CAST: variants seen among roughly 807,000 people sequenced by gnomAD.
The protein encoded by CAST is MIR583 host.
A neutral mutation model predicts 119.6 loss-of-function variants in CAST; 76 were observed. That is an observed-to-expected ratio of 0.64 (90% CI 0.53 to 0.77). The LOEUF is 0.77. Ranked by LOEUF, CAST falls within the 30% of genes least tolerant of loss-of-function variation. The probability of loss-of-function intolerance (pLI) is 0.00; values close to 1 mark genes in which losing one functional copy is unlikely to be tolerated. For synonymous variants in CAST, 319 were observed against 331.6 expected (o/e 0.96, Z 0.41); for missense variants, 953 against 946.5 (o/e 1.01, Z -0.09).
chr5:96,609,233 TA>T (rs1362757310), intron 1 of CAST, among the ~76,000 whole-genome samples: 7 of 152,230 alleles, frequency 4.6e-5, no homozygotes, highest in Non-Finnish European at 1.0e-4. Context: ...CCCATTGCAA[TA>T]TCCTATTCTG....
chr5:96,559,286 G>C (rs1746308594), intron 1 of CAST, among the ~76,000 whole-genome samples: 1 of 152,144 alleles, frequency 6.6e-6, no homozygotes, highest in Non-Finnish European at 1.5e-5. Context: ...CATTCCCTTT[G>C]AAAACTGGCT....
chr5:96,556,884 A>C (rs1746251790), intron 1 of CAST, among the ~76,000 whole-genome samples: 1 of 152,182 alleles, frequency 6.6e-6, no homozygotes, highest in South Asian at 2.1e-4. Context: ...CCTCGAGAAG[A>C]GCAACTCCAA....
chr5:96,534,716 A>AAGGAAGGAAGGAAGGAAGGAAGGAGG (rs1230508746), intron 1 of CAST, among the ~76,000 whole-genome samples: 1 of 34,692 alleles, frequency 2.9e-5, no homozygotes, highest in Non-Finnish European at 5.4e-5. Flanking sequence ...GGAAGGAAGG[A>AAGGAAGGAAGGAAGGAAGGAAGGAGG]GAGAGAGAGA....
the CAST span, among the ~76,000 whole-genome samples, chr5:96,016,419 G>C: frequency 1.3e-5 from 2 of 152,160 alleles, no homozygotes; most frequent in Non-Finnish European, 2.9e-5. Flanking sequence ...ATCATACCCT[G>C]CCTTATCCTG....
the CAST span, among the ~76,000 whole-genome samples, chr5:96,497,816 G>C: frequency 6.6e-6 from 1 of 152,194 alleles, no homozygotes; most frequent in African/African-American, 2.4e-5. Flanking sequence ...CAGGTTGCCT[G>C]TTCACTCTGA....
chr5:96,333,672 T>C, the CAST span, among the ~76,000 whole-genome samples: 4 of 152,002 alleles, frequency 2.6e-5, no homozygotes, highest in Non-Finnish European at 4.4e-5. Context: ...TGGTGAGACC[T>C]GGAGTTGGGG....
At chr5:96,323,072 T>C in the CAST span, among the ~76,000 whole-genome samples, 262 of 152,264 alleles carry the variant, frequency 1.7e-3, 2 homozygotes, top group African/African-American at 6.0e-3. Context: ...CTGAGGAAAA[T>C]TGACTTTTGC....
the CAST span, among the ~76,000 whole-genome samples, chr5:96,164,722 T>C: frequency 6.6e-6 from 1 of 152,098 alleles, no homozygotes; most frequent in Non-Finnish European, 1.5e-5. Context: ...AGAGAAAAAG[T>C]GCAGAGAAAA....
chr5:96,274,002 A>G, the CAST span, among the ~76,000 whole-genome samples: 9 of 152,104 alleles, frequency 5.9e-5, no homozygotes, highest in Non-Finnish European at 1.2e-4. Flanking sequence ...AATTTTTATT[A>G]TTTGACATCT....
the CAST span, among the ~76,000 whole-genome samples, chr5:96,028,105 T>C: frequency 2.6e-5 from 4 of 152,100 alleles, no homozygotes; most frequent in Non-Finnish European, 4.4e-5. Flanking sequence ...TTCTTTCAAA[T>C]AGGAGATTTT....
the CAST span, among the ~76,000 whole-genome samples, chr5:96,162,770 A>G: frequency 1.3e-5 from 2 of 152,168 alleles, no homozygotes; most frequent in African/African-American, 2.4e-5. Context: ...ATCATGGTGT[A>G]TAACCCTTTT....
chr5:96,453,446 T>A, the CAST span, among the ~76,000 whole-genome samples: 1 of 152,236 alleles, frequency 6.6e-6, no homozygotes, highest in African/African-American at 2.4e-5. Context: ...AAACTGAATC[T>A]TAAGGCAATA....
chr5:96,474,156 A>C, the CAST span, among the ~76,000 whole-genome samples: 3 of 152,328 alleles, frequency 2.0e-5, no homozygotes, highest in South Asian at 4.1e-4. Context: ...TTTTAAGCAG[A>C]AAATGAGAGT....
chr5:96,559,434 G>T (rs542891426), intron 1 of CAST, among the ~76,000 whole-genome samples: 2 of 152,184 alleles, frequency 1.3e-5, no homozygotes. Flanking sequence ...GTTTGCAGAT[G>T]ACATGATTGT....
chr5:96,331,336 C>T, the CAST span, among the ~76,000 whole-genome samples: 3 of 152,112 alleles, frequency 2.0e-5, no homozygotes, highest in South Asian at 2.1e-4. Flanking sequence ...GAAACCAAAC[C>T]GAAGGAGGAG....
chr5:96,173,996 A>C, the CAST span, among the ~76,000 whole-genome samples: 55,606 of 151,808 alleles, frequency 0.37, 10,590 homozygotes, highest in African/African-American at 0.47. Flanking sequence ...CCCGCCTTAG[A>C]CTTCCGAAGT....
chr5:96,013,435 C>A, the CAST span, among the ~76,000 whole-genome samples: 2 of 151,972 alleles, frequency 1.3e-5, no homozygotes, highest in Non-Finnish European at 2.9e-5. Flanking sequence ...TATTCCTTTT[C>A]ATAGCTGCAT....
chr5:96,349,693 A>C, the CAST span, among the ~76,000 whole-genome samples: 1 of 152,176 alleles, frequency 6.6e-6, no homozygotes, highest in East Asian at 1.9e-4. Flanking sequence ...TAAAAAGTAG[A>C]TTGACCTGTA....
At chr5:96,416,798 A>C in the CAST span, among the ~76,000 whole-genome samples, 3 of 152,220 alleles carry the variant, frequency 2.0e-5, no homozygotes, top group African/African-American at 4.8e-5. Flanking sequence ...TTGGTTTTGC[A>C]GTCAAGCAAA....
Sources: gnomAD v4.1 joint callset for allele counts (sites outside exome capture counted in the v4.1 genomes callset) on GRCh38, gnomAD v4.1.1 for gene constraint, MANE v1.5 for transcripts, NCBI Gene and HGNC (gene_info 2026-07-23, HGNC 2026-07-21) for gene names.